CXADR: variants seen among roughly 807,000 people sequenced by gnomAD.
The protein encoded by CXADR is coxsackievirus and adenovirus receptor.
A neutral mutation model predicts 40.3 loss-of-function variants in CXADR; 20 were observed. The ratio of observed to expected loss-of-function variants is 0.50; its 90% CI spans 0.35 to 0.72. The LOEUF is 0.72. CXADR is among the 30% of genes least tolerant of loss of function. The probability of loss-of-function intolerance (pLI) is 0.01; values close to 1 mark genes in which losing one functional copy is unlikely to be tolerated. For synonymous variants in CXADR, 150 were observed against 161.3 expected, an observed-to-expected ratio of 0.93 and a Z score of 0.53; for missense variants, 332 against 449.1, an observed-to-expected ratio of 0.74 and a Z score of 2.36.
At chr21:17,610,683 T>G in the CXADR span, among the ~76,000 whole-genome samples, 297 of 152,320 alleles carry the variant, frequency 1.9e-3, 2 homozygotes, top group Non-Finnish European at 7.1e-4. Flanking sequence ...GTTATTAAGA[T>G]GCTGCCTTTA....
chr21:17,606,423 A>AT, the CXADR span, among the ~76,000 whole-genome samples: 1 of 152,188 alleles, frequency 6.6e-6, no homozygotes, highest in African/African-American at 2.4e-5. Flanking sequence ...ATTTTCTAGT[A>AT]TGTAAAATAC....
At chr21:17,630,650 C>CTTT in the CXADR span, among the ~76,000 whole-genome samples, 6,681 of 116,764 alleles carry the variant, frequency 0.057, 353 homozygotes, top group African/African-American at 0.15. Context: ...CTTCCTTCTT[C>CTTT]TTTTTTTTTT....
At chr21:17,579,648 C>T (rs1223720264) in intron 7 of CXADR, among the ~76,000 whole-genome samples, 1 of 152,086 alleles carries the variant, frequency 6.6e-6, no homozygotes, top group Non-Finnish European at 1.5e-5. Context: ...AGTTGTAGGG[C>T]AGGGTAAGAA....
the CXADR span, among the ~76,000 whole-genome samples, chr21:17,628,733 C>A: frequency 6.6e-6 from 1 of 152,166 alleles, no homozygotes; most frequent in Admixed American, 6.5e-5. Flanking sequence ...GAACTCCTGA[C>A]CTCAGGCAAT....
intron 1 of CXADR, among the ~76,000 whole-genome samples, chr21:17,528,241 T>A (rs2060623705): frequency 2.0e-5 from 3 of 150,866 alleles, no homozygotes. Context: ...ACCCAGCTAA[T>A]TTTTTTGTAT....
chr21:17,627,305 G>A, the CXADR span, among the ~76,000 whole-genome samples: 2 of 151,936 alleles, frequency 1.3e-5, no homozygotes, highest in African/African-American at 2.4e-5. Context: ...GCGGTGAGCC[G>A]AGATTACACC....
At position 17,560,806 on chromosome 21, in the gene CXADR, C is replaced by A; in HGVS notation, c.676C>A (p.Arg226Ser). 1.2e-6 allele frequency: 2 copies of A among 1,613,486 alleles called. No individual in the cohort carries two copies. The highest frequency in any genetic ancestry group is 1.7e-6 in the Non-Finnish European group (2 of 1,179,690). Reference protein sequence around the residue: ...NRVGSDQCLLRLNVVPPSNKA... With the variant: ...NRVGSDQCLLSLNVVPPSNKA... ...AGTGGGCTCTGATCAGTGCCTGTTG[C>A]GTCTAAACGTTGTCCCTCGTAAGTT... Residue 226 changes from arginine to serine, a missense_variant, in exon 5 of 7, where the codon CGT becomes AGT. By Grantham distance (110) the Arg-to-Ser change is moderately radical (BLOSUM62 -1). Around this residue, in one of 3 missense-constraint regions of CXADR, gnomAD observed 150 missense variants for 194.2 expected, o/e 0.77. Transcript: ENST00000284878.
chr21:17,617,223 C>T, the CXADR span, among the ~76,000 whole-genome samples: 1 of 152,190 alleles, frequency 6.6e-6, no homozygotes, highest in Admixed American at 6.5e-5. Context: ...GTGGGCCAGA[C>T]ACTCTATGCT....
At chr21:17,538,255 C>T (rs935312172) in intron 1 of CXADR, among the ~76,000 whole-genome samples, 1 of 152,096 alleles carries the variant, frequency 6.6e-6, no homozygotes, top group Admixed American at 6.5e-5. Flanking sequence ...CTGCCTTGGC[C>T]TCCCACAGTG....
intron 1 of CXADR, among the ~76,000 whole-genome samples, chr21:17,532,700 A>G (rs1182443370): frequency 6.6e-6 from 1 of 152,212 alleles, no homozygotes; most frequent in Admixed American, 6.5e-5. Flanking sequence ...TCATAGTAGA[A>G]GTATTAGGCT....
In CXADR at chr21:17,565,738, T is replaced by C. The variant is rs1160144031; in HGVS notation, c.*46T>C. 1 of 1,575,042 alleles carries C rather than the reference T, an allele frequency of 6.3e-7. No individual in the cohort carries two copies. The highest frequency in any genetic ancestry group is 2.2e-5 in the East Asian group (1 of 44,450). On this transcript the variant is annotated 3_prime_UTR_variant, in exon 7 of 7. Transcript: ENST00000284878. ...GTGCTCTCCGTGTTCCTTTCCTTTT[T>C]TTGATATATGAAAACCTATTCTGGT...
intron 7 of CXADR, among the ~76,000 whole-genome samples, chr21:17,587,009 G>C (rs528616262): frequency 6.6e-6 from 1 of 152,098 alleles, no homozygotes; most frequent in African/African-American, 2.4e-5. Context: ...TGTCCTTGCA[G>C]TAGTTTGCTG....
chr21:17,634,251 G>T, the CXADR span, among the ~76,000 whole-genome samples: 5 of 152,098 alleles, frequency 3.3e-5, no homozygotes, highest in East Asian at 9.6e-4. Flanking sequence ...GTCCTATATG[G>T]GGGGGATCCT....
chr21:17,590,748 GA>G (rs112942639), intron 7 of CXADR, among the ~76,000 whole-genome samples: 6 of 151,822 alleles, frequency 4.0e-5, no homozygotes, highest in East Asian at 3.9e-4. Flanking sequence ...TGATAAGTAA[GA>G]AAAAAAAGTT....
chr21:17,523,223 T>G (rs2060553551), intron 1 of CXADR, among the ~76,000 whole-genome samples: 1 of 152,216 alleles, frequency 6.6e-6, no homozygotes, highest in Non-Finnish European at 1.5e-5. Flanking sequence ...AATGTACATT[T>G]CATAGGTCAG....
intron 1 of CXADR, among the ~76,000 whole-genome samples, chr21:17,528,900 C>T (rs975707263): frequency 3.9e-5 from 6 of 152,148 alleles, no homozygotes; most frequent in Non-Finnish European, 5.9e-5. Flanking sequence ...TAGTCCTGGT[C>T]AGACTCCAGC....
chr21:17,591,392 A>G (rs373529259), intron 7 of CXADR, among the ~76,000 whole-genome samples: 16 of 152,180 alleles, frequency 1.1e-4, no homozygotes, highest in African/African-American at 3.8e-4. Flanking sequence ...TAAACTGTAC[A>G]TGGTAGGTGT....
At chr21:17,579,668 GA>G (rs2061346898) in intron 7 of CXADR, among the ~76,000 whole-genome samples, 1 of 152,222 alleles carries the variant, frequency 6.6e-6, no homozygotes, top group Admixed American at 6.5e-5. Context: ...AGACAGAAAA[GA>G]GATGAAATTT....
At chr21:17,571,189 G>A (rs921753746), downstream of CXADR, among the ~76,000 whole-genome samples, 2 of 152,208 alleles carry the variant, frequency 1.3e-5, no homozygotes, top group African/African-American at 4.8e-5. Context: ...TTAGAGTCAG[G>A]CATGTTTAAA....
Sources: allele counts gnomAD v4.1 joint callset (sites outside exome capture counted in the v4.1 genomes callset), GRCh38; gene constraint gnomAD v4.1.1; regional missense constraint gnomAD v4.1.1; transcripts MANE v1.5; gene names NCBI Gene and HGNC (gene_info 2026-07-23, HGNC 2026-07-21).